EEF1AKMT4: variants seen among roughly 807,000 people sequenced by gnomAD.
The protein encoded by EEF1AKMT4 is eukaryotic translation elongation factor 1 alpha lysine specific methyltransferase 4.
Under a neutral mutation model 23.0 loss-of-function variants are expected in EEF1AKMT4, and 17 were observed. The ratio of observed to expected loss-of-function variants is 0.74; its 90% CI spans 0.51 to 1.11. The LOEUF (loss-of-function observed/expected upper bound fraction) is 1.11. Among genes scored for constraint, EEF1AKMT4 ranks in the 50% least tolerant of loss-of-function variants. The pLI, the probability that EEF1AKMT4 is intolerant of heterozygous loss-of-function variation, is 0.00. For synonymous variants in EEF1AKMT4, 140 were observed against 141.4 expected, an observed-to-expected ratio of 0.99 and a Z score of 0.07; for missense variants, 318 against 333.4, an observed-to-expected ratio of 0.95 and a Z score of 0.36.
At position 184,255,955 on chromosome 3, in the gene EEF1AKMT4, T is replaced by C. The variant is rs531576662; in HGVS notation, c.197-1518T>C. The stretch of plus-strand genomic sequence containing the variant: ...CCTTGAGGGCAGGGACTTTTATTCA[T>C]GGGCAGAGCCTAATATGTAGTGCTC... On this transcript the variant is annotated intron_variant, in intron 1 of 2. Transcript: ENST00000324557. Among the ~76,000 whole-genome samples, 5 of 152,330 alleles carry C rather than the reference T, an allele frequency of 3.3e-5. No homozygotes were observed. The South Asian group carries it at 1.0e-3, about 32-fold the overall frequency.
chr3:184,249,729 A>T lies in EEF1AKMT4; in HGVS notation c.35A>T (p.Glu12Val), dbSNP rs200563134. 3 of 1,612,162 alleles carry T rather than the reference A, an allele frequency of 1.9e-6. No homozygotes were observed. The highest frequency in any genetic ancestry group is 2.5e-6 in the Non-Finnish European group (3 of 1,179,348). ...ASPGAGRAPPELPERNCGYRE... is the reference protein window; with the variant it reads ...ASPGAGRAPPVLPERNCGYRE... The stretch of plus-strand genomic sequence containing the variant: ...CCAGGGGCAGGTAGGGCGCCTCCGG[A>T]GTTACCGGAGCGGAACTGCGGGTAC... The change falls in exon 1 of 3, where the codon GAG (glutamate) becomes GTG (valine). Residue 12 changes from glutamate (E) to valine (V), a missense_variant. Glu to Val is a moderately radical substitution (Grantham distance 121). Coordinates refer to ENST00000324557, the MANE Select transcript of EEF1AKMT4 (RefSeq NM_032331.4).
rs1174142672 is a variant in EEF1AKMT4, at chr3:184,258,391, T to C, written c.584T>C (p.Leu195Pro). Residue 195 changes from leucine to proline, a missense_variant, in exon 3 of 3, where the codon CTG becomes CCG. Leu to Pro is a moderately conservative substitution (Grantham distance 98). Transcript: ENST00000324557. Reference protein sequence around the residue: ...HYAQAYYGWSLRHATYGSGFH... With the variant: ...HYAQAYYGWSPRHATYGSGFH... ...GCCCAAGCCTATTATGGCTGGTCCCTGAGGCATGCTACCTATGGCAGCGGT... is the reference window on the plus strand; with the variant it reads ...GCCCAAGCCTATTATGGCTGGTCCCCGAGGCATGCTACCTATGGCAGCGGT... 15 of 1,613,908 alleles carry C rather than the reference T, an allele frequency of 9.3e-6. No individual in the cohort carries two copies. The highest frequency in any genetic ancestry group is 1.2e-5 in the Non-Finnish European group (14 of 1,179,892).
Position 184,258,637 on chromosome 3 carries a change from A to T in EEF1AKMT4, c.*62A>T. The T allele has an allele frequency of 6.6e-7, 1 of 1,513,374 alleles. No individual in the cohort carries two copies. 93.7% of individuals were successfully genotyped at this position (1,513,374 alleles called of 1,614,324 possible). ...GCCCTGGGCTCCTCAGGTAGTTGGAATTCCTGACTTAGGACTTGGGGTTGG... is the reference window on the plus strand; with the variant it reads ...GCCCTGGGCTCCTCAGGTAGTTGGATTTCCTGACTTAGGACTTGGGGTTGG... On this transcript the variant is annotated 3_prime_UTR_variant, in exon 3 of 3. Coordinates refer to ENST00000324557, the MANE Select transcript of EEF1AKMT4 (RefSeq NM_032331.4).
At position 184,257,209 on chromosome 3, in the gene EEF1AKMT4, C is replaced by CAAA. The variant is rs751755981; in HGVS notation, c.197-245_197-243dup. On this transcript the variant is annotated intron_variant, in intron 1 of 2. Transcript: ENST00000324557. ...TGGGCGACCGAGTGAGAATTCATCT[C>CAAA]AAAAAAAAAAAAAAAAAAAAATCCA... 8.6e-4 allele frequency among the ~76,000 whole-genome samples: 60 copies of CAAA among 69,464 alleles called. 1 individual carries two copies. The highest frequency in any genetic ancestry group is 2.4e-3 in the African/African-American group (49 of 20,634). 45.6% of individuals were successfully genotyped at this position (69,464 alleles called of 152,430 possible). A position where few individuals can be genotyped will look rare whatever the true frequency, so the allele number is the denominator to read the frequency against.
chr3:184,254,628 G>T (rs1472944608), intron 1 of EEF1AKMT4, among the ~76,000 whole-genome samples: 1 of 151,452 alleles, frequency 6.6e-6, no homozygotes, highest in East Asian at 1.9e-4. Flanking sequence ...CAGGAGAATG[G>T]CGTGAACCTG....
chr3:184,249,785 C>T lies in EEF1AKMT4; in HGVS notation c.91C>T (p.Gln31Ter). ...REVEYWDQRYQGAADSAPYDW... is the reference protein window; with the variant it reads ...REVEYWDQRY Reference sequence around the variant, plus strand: ...AGTCGAGTACTGGGATCAGCGCTACCAAGGCGCAGCCGATTCTGCCCCCTA... The same window carrying T: ...AGTCGAGTACTGGGATCAGCGCTACTAAGGCGCAGCCGATTCTGCCCCCTA... Residue 31 changes from glutamine (Q) to a stop codon, truncating the protein, a stop_gained, in exon 1 of 3, where the codon CAA (glutamine) becomes TAA (stop). Coordinates refer to ENST00000324557, the MANE Select transcript of EEF1AKMT4 (RefSeq NM_032331.4). LOFTEE classifies it high-confidence loss of function. 3.7e-6 allele frequency: 6 copies of T among 1,613,304 alleles called. No individual in the cohort carries two copies. Among genetic ancestry groups the T allele is most frequent in the South Asian group, 1.1e-5 (1 of 91,092 alleles).
At chr3:184,251,956 G>T (rs1288678209) in intron 1 of EEF1AKMT4, among the ~76,000 whole-genome samples, 1 of 152,192 alleles carries the variant, frequency 6.6e-6, no homozygotes, top group Non-Finnish European at 1.5e-5. Flanking sequence ...AAGGTTCTCT[G>T]TGTGGTCCTC....
chr3:184,255,208 C>T (rs1390202021), intron 1 of EEF1AKMT4, among the ~76,000 whole-genome samples: 1 of 152,166 alleles, frequency 6.6e-6, no homozygotes, highest in Non-Finnish European at 1.5e-5. Flanking sequence ...GGTCAGCAAA[C>T]CCAGTGGGAT....
intron 1 of EEF1AKMT4, among the ~76,000 whole-genome samples, chr3:184,252,839 A>G (rs568834280): frequency 1.3e-5 from 2 of 150,340 alleles, no homozygotes; most frequent in Non-Finnish European, 3.0e-5. Flanking sequence ...GCTACTCCAG[A>G]GGCTGAGGCA....
chr3:184,257,430 A>G (rs762387170), intron 1 of EEF1AKMT4, 43 bp from the exon 2 acceptor site: 20 of 1,561,438 alleles, frequency 1.3e-5, no homozygotes, highest in Non-Finnish European at 1.7e-5. Context: ...GTGAGAACCA[A>G]AACTAACGTA....
intron 1 of EEF1AKMT4, among the ~76,000 whole-genome samples, 185 bp from the exon 2 acceptor site, chr3:184,257,288 G>A (rs1321933883): frequency 1.3e-5 from 2 of 151,714 alleles, no homozygotes; most frequent in Non-Finnish European, 2.9e-5. Flanking sequence ...GAGTGATAGA[G>A]CCAGGGTTTG....
chr3:184,251,198 A>T (rs930837957), intron 1 of EEF1AKMT4, among the ~76,000 whole-genome samples: 6 of 152,128 alleles, frequency 3.9e-5, no homozygotes, highest in Admixed American at 3.9e-4. Context: ...TGATCGCAGG[A>T]GCTCAAGACC....
rs377576499 is a variant in EEF1AKMT4 at position 184,258,247 on chromosome 3, A to C, written c.481-41A>C. The C allele has an allele frequency of 2.6e-6, 4 of 1,555,022 alleles. No homozygotes were observed. The African/African-American group carries it at 5.4e-5, about 21-fold the overall frequency. Reference sequence around the variant, plus strand: ...GCAGTACTGACCTTTGAGAACCTGAAGATCCACTTCTCACCAATGGCTTCT... The same window carrying C: ...GCAGTACTGACCTTTGAGAACCTGACGATCCACTTCTCACCAATGGCTTCT... On this transcript the variant is annotated intron_variant, in intron 2 of 2. Transcript: ENST00000324557.
Position 184,258,498 on chromosome 3 carries a change from C to G in EEF1AKMT4, c.691C>G (p.Pro231Ala). 1 of 1,613,348 alleles carries G rather than the reference C, an allele frequency of 6.2e-7. No individual in the cohort carries two copies. Among genetic ancestry groups the G allele is most frequent in the Non-Finnish European group, 8.5e-7 (1 of 1,179,600 alleles). ...QLALGAQILS[P>A]PRPPTSPCFL... ...GGCTCTGGGGGCCCAAATCCTCTCA[C>G]CCCCCAGACCTCCCACCTCACCTTG... The change falls in exon 3 of 3, where the codon CCC becomes GCC. Residue 231 changes from proline (P) to alanine (A), a missense_variant. Coordinates refer to ENST00000324557, the MANE Select transcript of EEF1AKMT4 (RefSeq NM_032331.4).
chr3:184,253,379 G>A (rs918899118), intron 1 of EEF1AKMT4, among the ~76,000 whole-genome samples: 5 of 152,206 alleles, frequency 3.3e-5, no homozygotes, highest in African/African-American at 1.2e-4. Context: ...CCACACAGAT[G>A]GGAGTAGGGA....
chr3:184,257,013 TG>T (rs1251149663), intron 1 of EEF1AKMT4, among the ~76,000 whole-genome samples: 1 of 151,836 alleles, frequency 6.6e-6, no homozygotes, highest in African/African-American at 2.4e-5. Flanking sequence ...ATCCTGTATA[TG>T]GCCTACGTAT....
chr3:184,258,554 C>A lies in EEF1AKMT4; in HGVS notation c.747C>A (p.Phe249Leu). The change falls in exon 3 of 3, where the codon TTC (phenylalanine) becomes TTA (leucine). Residue 249 changes from phenylalanine (F) to leucine (L), a missense_variant. By Grantham distance (22) the Phe-to-Leu change is conservative. Coordinates refer to ENST00000324557, the MANE Select transcript of EEF1AKMT4 (RefSeq NM_032331.4). ...CFLQDSDHED[F>L]LSAIQL is the part of the protein sequence containing the mutation. Reference sequence around the variant, plus strand: ...TTCAGGACTCAGATCATGAGGACTTCCTTAGTGCCATTCAGCTCTGAGGCC... The same window carrying A: ...TTCAGGACTCAGATCATGAGGACTTACTTAGTGCCATTCAGCTCTGAGGCC... 1.9e-6 allele frequency: 3 copies of A among 1,596,730 alleles called. No individual in the cohort carries two copies. Among genetic ancestry groups the A allele is most frequent in the Non-Finnish European group, 2.6e-6 (3 of 1,170,632 alleles).
At chr3:184,255,199 G>C (rs1412154400) in intron 1 of EEF1AKMT4, among the ~76,000 whole-genome samples, 2 of 152,208 alleles carry the variant, frequency 1.3e-5, no homozygotes, top group Non-Finnish European at 2.9e-5. Context: ...GGGATTGTGG[G>C]TCAGCAAACC....
chr3:184,251,553 C>T (rs1267477459), intron 1 of EEF1AKMT4, among the ~76,000 whole-genome samples: 1 of 151,314 alleles, frequency 6.6e-6, no homozygotes, highest in Non-Finnish European at 1.5e-5. Context: ...AAAATTAAAA[C>T]TTAGCTGGGC....
Sources: allele counts gnomAD v4.1 joint callset (sites outside exome capture counted in the v4.1 genomes callset), GRCh38; gene constraint gnomAD v4.1.1; transcripts MANE v1.5; gene names NCBI Gene and HGNC (gene_info 2026-07-23, HGNC 2026-07-21).